TCP11L1: variants seen among roughly 807,000 people sequenced by gnomAD.
TCP11L1 encodes t-complex 11 like 1.
TCP11L1 carries 28 observed loss-of-function variants against 48.9 expected under a neutral mutation model. The observed-to-expected ratio is 0.57, with a 90% CI of 0.42 to 0.78. The LOEUF (loss-of-function observed/expected upper bound fraction) is 0.78, where lower values mean the gene tolerates loss of function less well. TCP11L1 is among the 30% of genes least tolerant of loss of function. The pLI is 0.00. For synonymous variants in TCP11L1, 204 were observed against 231.9 expected (o/e 0.88, Z 1.09); for missense variants, 505 against 613.4 (o/e 0.82, Z 1.87).
intron 1 of TCP11L1, among the ~76,000 whole-genome samples, chr11:33,042,093 A>T (rs1391000098): frequency 6.6e-6 from 1 of 152,194 alleles, no homozygotes; most frequent in African/African-American, 2.4e-5. Context: ...GGAGGAATTG[A>T]CTAAAACTTT....
chr11:33,051,515 A>G (rs7113812), intron 2 of TCP11L1, among the ~76,000 whole-genome samples: 62,393 of 151,910 alleles, frequency 0.41, 13,039 homozygotes, highest in African/African-American at 0.48. Context: ...AAACAAACAA[A>G]CAAACAAAAC....
chr11:33,065,748 GGTGTGGGGGCT>G (rs1456488232), intron 7 of TCP11L1, 71 bp from the exon 8 acceptor site: 4 of 1,475,468 alleles, frequency 2.7e-6, no homozygotes, highest in South Asian at 2.5e-5. Flanking sequence ...TGCAGAGGCA[GGTGTGGGGGCT>G]GTGGCGCTCC....
intron 8 of TCP11L1, among the ~76,000 whole-genome samples, chr11:33,067,805 C>T (rs1197731479): frequency 6.6e-6 from 1 of 152,192 alleles, no homozygotes; most frequent in East Asian, 1.9e-4. Context: ...AGCATGGGGG[C>T]TCCCCACAGG....
At chr11:33,040,146 A>G (rs1853787825) in intron 1 of TCP11L1, 1 of 149,394 alleles carries the variant, frequency 6.7e-6, no homozygotes, top group African/African-American at 2.5e-5. Flanking sequence ...TCTGCTGGGG[A>G]GCCTCTTGTG....
chr11:33,062,003 C>A (rs1163353578), intron 7 of TCP11L1, among the ~76,000 whole-genome samples: 1 of 152,244 alleles, frequency 6.6e-6, no homozygotes, highest in South Asian at 2.1e-4. Flanking sequence ...ATTGCTTGAA[C>A]CTGGGAGGCG....
chr11:33,061,438 C>A, intron 6 of TCP11L1, 92 bp from the exon 7 acceptor site: 1 of 1,232,416 alleles, frequency 8.1e-7, no homozygotes, highest in Non-Finnish European at 1.1e-6. Context: ...TATACTTTAT[C>A]ACTCCACCAG....
At chr11:33,056,644 C>T in intron 3 of TCP11L1, 2 of 241,008 alleles carry the variant, frequency 8.3e-6, no homozygotes, top group South Asian at 4.2e-5. Flanking sequence ...CTCACTGCAA[C>T]CTCTGGCCAG....
At chr11:33,068,895 C>T in intron 9 of TCP11L1, 36 bp downstream of exon 9, 8 of 1,595,364 alleles carry the variant, frequency 5.0e-6, no homozygotes, top group Non-Finnish European at 6.9e-6. Context: ...GGGATGTGCC[C>T]TCTGAGGGGC....
intron 2 of TCP11L1, among the ~76,000 whole-genome samples, chr11:33,049,383 C>T (rs571520655): frequency 2.0e-5 from 3 of 152,152 alleles, no homozygotes; most frequent in South Asian, 2.1e-4. Context: ...GGGTGTTTCT[C>T]GTCATGTGGG....
chr11:33,041,756 C>CAAAA (rs113352878), intron 1 of TCP11L1, among the ~76,000 whole-genome samples: 5 of 144,088 alleles, frequency 3.5e-5, no homozygotes, highest in African/African-American at 1.0e-4. Context: ...AGTCTGTCCC[C>CAAAA]AAAAAAAAAA....
In TCP11L1 at chr11:33,057,977, T is replaced by G. The variant is rs752531169; in HGVS notation, c.476T>G (p.Val159Gly). Residue 159 changes from valine to glycine, a missense_variant, in exon 5 of 10, where the codon GTC (valine) becomes GGC (glycine). Val to Gly is a moderately radical substitution (Grantham distance 109). Coordinates refer to ENST00000334274, the MANE Select transcript of TCP11L1 (RefSeq NM_018393.4). The stretch of plus-strand genomic sequence containing the variant: ...AGACTGAGAAACCAGATAACAGAAG[T>G]CTTGGATCTGGATCTGATAAAGCAG... The part of the protein sequence containing the change: ...HTRLRNQITE[V>G]LDLDLIKQEA... The G allele has an allele frequency of 3.1e-6, 5 of 1,613,998 alleles. No homozygotes were observed. Among genetic ancestry groups the G allele is most frequent in the Non-Finnish European group, 4.2e-6 (5 of 1,180,034 alleles).
intron 2 of TCP11L1, among the ~76,000 whole-genome samples, chr11:33,050,964 C>T (rs1246956320): frequency 6.6e-6 from 1 of 152,078 alleles, no homozygotes; most frequent in East Asian, 1.9e-4. Context: ...CAGGAGCATG[C>T]CACCACACCT....
intron 8 of TCP11L1, among the ~76,000 whole-genome samples, chr11:33,067,405 T>C (rs1235762648): frequency 1.3e-5 from 2 of 152,198 alleles, no homozygotes; most frequent in African/African-American, 4.8e-5. Flanking sequence ...CATGGCTGTG[T>C]TCAGTGCAGT....
chr11:33,047,770 C>T (rs540088085), intron 2 of TCP11L1, among the ~76,000 whole-genome samples: 13 of 152,180 alleles, frequency 8.5e-5, no homozygotes, highest in Non-Finnish European at 1.3e-4. Flanking sequence ...TGCAGGCTAG[C>T]GACCAGGAAG....
intron 6 of TCP11L1, among the ~76,000 whole-genome samples, chr11:33,060,369 T>C (rs959960573): frequency 6.6e-6 from 1 of 152,112 alleles, no homozygotes; most frequent in Non-Finnish European, 1.5e-5. Flanking sequence ...ACGGAGAATA[T>C]TATCAGCAGA....
chr11:33,046,552 G>T (rs915342007), intron 2 of TCP11L1, among the ~76,000 whole-genome samples: 21 of 152,206 alleles, frequency 1.4e-4, no homozygotes, highest in African/African-American at 4.8e-4. Context: ...GGTCGTGGAA[G>T]CTTTCATTAA....
chr11:33,047,011 T>G (rs1044577650), intron 2 of TCP11L1, among the ~76,000 whole-genome samples: 1 of 151,902 alleles, frequency 6.6e-6, no homozygotes, highest in African/African-American at 2.4e-5. Flanking sequence ...TGAGGTGAGG[T>G]CAGGAGTTCG....
intron 7 of TCP11L1, among the ~76,000 whole-genome samples, chr11:33,064,082 T>C (rs540889242): frequency 1.3e-5 from 2 of 152,120 alleles, no homozygotes; most frequent in African/African-American, 4.8e-5. Flanking sequence ...GAGAGGGGGA[T>C]GTGAGACCTG....
rs756764738 is a variant in TCP11L1 at position 33,072,620 on chromosome 11, A to G, written c.1474A>G (p.Met492Val). Residue 492 changes from methionine to valine, a missense_variant, in exon 10 of 10, where the codon ATG becomes GTG. This residue lies in a region of TCP11L1 where 335 missense variants were observed against 413.3 expected (regional missense o/e 0.81). Coordinates refer to ENST00000334274, the MANE Select transcript of TCP11L1 (RefSeq NM_018393.4). ...KFARLVNYNK[M>V]VFCPYYDAIL... ...TGCTCGCCTGGTCAACTATAACAAG[A>G]TGGTCTTCTGTCCCTACTACGATGC... The G allele has an allele frequency of 1.2e-6, 2 of 1,613,980 alleles. No individual in the cohort carries two copies. Among genetic ancestry groups the G allele is most frequent in the East Asian group, 2.2e-5 (1 of 44,862 alleles).
Sources: allele counts gnomAD v4.1 joint callset (sites outside exome capture counted in the v4.1 genomes callset), GRCh38; gene constraint gnomAD v4.1.1; regional missense constraint gnomAD v4.1.1; transcripts MANE v1.5; gene names NCBI Gene and HGNC (gene_info 2026-07-23, HGNC 2026-07-21).